MARK2: variants seen among roughly 807,000 people sequenced by gnomAD.
MARK2 encodes the protein serine/threonine-protein kinase MARK2.
MARK2 carries 16 observed loss-of-function variants against 89.8 expected under a neutral mutation model. The ratio of observed to expected loss-of-function variants is 0.18; its 90% CI spans 0.12 to 0.27. The LOEUF (loss-of-function observed/expected upper bound fraction) is 0.27. Ranked by LOEUF, MARK2 falls within the 10% of genes least tolerant of loss-of-function variation. The probability of loss-of-function intolerance (pLI) is 1.00; values close to 1 mark genes in which losing one functional copy is unlikely to be tolerated. For missense variants in MARK2, 621 were observed against 1,049.9 expected, an observed-to-expected ratio of 0.59 and a Z score of 5.65; for synonymous variants, 382 against 399.5, an observed-to-expected ratio of 0.96 and a Z score of 0.52.
At chr11:63,898,366 C>A in intron 4 of MARK2, 86 bp downstream of exon 4, 1 of 1,289,682 alleles carries the variant, frequency 7.8e-7, no homozygotes, top group Non-Finnish European at 1.1e-6. Flanking sequence ...AGGTGCACTG[C>A]CTTCTGGAGT....
Position 63,908,180 on chromosome 11 carries a change from A to AC in MARK2, c.1962-77dup, listed in dbSNP as rs778218857. ...CCACCCACTGGTGGCACCTCCCCAG[A>AC]CCCACTCTCATCTGGGTCTGTGGCG... On this transcript the variant is annotated intron_variant, in intron 17 of 18. Coordinates refer to ENST00000402010, the MANE Select transcript of MARK2 (RefSeq NM_001039469.3). 2.9e-5 allele frequency: 39 copies of AC among 1,348,414 alleles called. No individual in the cohort carries two copies. In the African/African-American group the frequency reaches 4.9e-4, roughly 17 times the overall value. 83.5% of individuals were successfully genotyped at this position (1,348,414 alleles called of 1,614,324 possible).
intron 4 of MARK2, 21 bp downstream of exon 4, chr11:63,898,301 C>A (rs769062075): frequency 4.3e-6 from 7 of 1,609,486 alleles, no homozygotes; most frequent in South Asian, 1.1e-5. Flanking sequence ...GTTGTTATTT[C>A]TTTCTTCTTC....
chr11:63,904,139 G>A lies in MARK2; in HGVS notation c.1668G>A (p.Pro556=), dbSNP rs367678089. The A allele has an allele frequency of 5.7e-5, 90 of 1,577,396 alleles. No individual in the cohort carries two copies. The East Asian group carries it at 1.0e-3, about 18-fold the overall frequency. The change falls in exon 15 of 19, where the codon CCG becomes CCA. Residue 556 remains proline (P), a synonymous_variant. Transcript: ENST00000402010. This position sits in a 1 kb window ranked among gnomAD's most constrained non-coding sequence, Gnocchi z 6.3. ...LPPTESNCEV[P]RPSTAPQRVP... is the part of the protein sequence containing the mutation. ...CCACGGAGAGTAACTGTGAGGTGCC[G>A]CGGCCCAGGCAAGTGTGCTGGGGCA... is the stretch of plus-strand genomic sequence containing the variant.
intron 1 of MARK2, among the ~76,000 whole-genome samples, chr11:63,891,772 G>T (rs1939877356): frequency 6.6e-6 from 1 of 152,242 alleles, no homozygotes. Flanking sequence ...TGCCCGTTAG[G>T]CAGATGGGTA....
chr11:63,857,606 TTACATG>T (rs1286150070), intron 1 of MARK2, among the ~76,000 whole-genome samples: 11 of 152,372 alleles, frequency 7.2e-5, no homozygotes, highest in Admixed American at 1.3e-4. Context: ...TCATTTATGT[TTACATG>T]TAATGAGTTT....
chr11:63,904,019 T>G lies in MARK2; in HGVS notation c.1548T>G (p.Ala516=). 6.2e-7 allele frequency: 1 copy of G among 1,609,246 alleles called. No homozygotes were observed. Among genetic ancestry groups the G allele is most frequent in the Non-Finnish European group, 8.5e-7 (1 of 1,179,234 alleles). ...LTMPGSRAST[A]SASAAVSAAR... is the part of the protein sequence containing the mutation. The stretch of plus-strand genomic sequence containing the variant: ...TGCCAGGGTCCCGGGCCTCCACGGC[T>G]TCTGCTTCTGCCGCAGTCTCTGCGG... The change falls in exon 15 of 19, where the codon GCT becomes GCG. Residue 516 remains alanine, a synonymous_variant. Transcript: ENST00000402010. This position sits in a 1 kb window ranked among gnomAD's most constrained non-coding sequence, Gnocchi z 6.3.
At chr11:63,905,484 T>C (rs929668407) in intron 16 of MARK2, among the ~76,000 whole-genome samples, 7 of 152,244 alleles carry the variant, frequency 4.6e-5, no homozygotes, top group Admixed American at 3.9e-4. Flanking sequence ...CTCCCACTAG[T>C]TGGTTCTGTT....
At chr11:63,895,989 C>T (rs532168805) in intron 3 of MARK2, among the ~76,000 whole-genome samples, 25 of 152,218 alleles carry the variant, frequency 1.6e-4, no homozygotes, top group Admixed American at 1.6e-3. Context: ...CTTTCTAAAT[C>T]TCTCTTCTGG....
intron 1 of MARK2, among the ~76,000 whole-genome samples, chr11:63,847,654 T>C (rs958063954): frequency 6.6e-5 from 10 of 152,350 alleles, no homozygotes; most frequent in East Asian, 1.9e-4. Context: ...CCCCAAACAC[T>C]GAATGGGTCT....
intron 1 of MARK2, among the ~76,000 whole-genome samples, chr11:63,871,854 T>C (rs1220927120): frequency 6.6e-6 from 1 of 150,484 alleles, no homozygotes; most frequent in Non-Finnish European, 1.5e-5. Context: ...TGAAGAGTAT[T>C]CACTGTGTGC....
chr11:63,904,055 C>T lies in MARK2; in HGVS notation c.1584C>T (p.Arg528=). The T allele has an allele frequency of 6.2e-7, 1 of 1,608,820 alleles. No homozygotes were observed. The highest frequency in any genetic ancestry group is 1.1e-5 in the South Asian group (1 of 91,040). ...ASAAVSAARP[R]QHQKSMSASV... is the part of the protein sequence containing the mutation. Reference sequence around the variant, plus strand: ...CCGCAGTCTCTGCGGCCCGGCCCCGCCAGCACCAGAAATCCATGTCGGCCT... The same window carrying T: ...CCGCAGTCTCTGCGGCCCGGCCCCGTCAGCACCAGAAATCCATGTCGGCCT... Residue 528 remains arginine, a synonymous_variant, in exon 15 of 19, where the codon CGC becomes CGT. Coordinates refer to ENST00000402010, the MANE Select transcript of MARK2 (RefSeq NM_001039469.3). This position sits in a 1 kb window ranked among gnomAD's most constrained non-coding sequence, Gnocchi z 6.3.
At chr11:63,873,864 C>T (rs1163815294) in intron 1 of MARK2, among the ~76,000 whole-genome samples, 1 of 152,210 alleles carries the variant, frequency 6.6e-6, no homozygotes, top group Non-Finnish European at 1.5e-5. Flanking sequence ...CCAGGCTGGT[C>T]TTGAACTCCC....
intron 1 of MARK2, among the ~76,000 whole-genome samples, chr11:63,870,172 C>T (rs539296004): frequency 1.3e-5 from 2 of 152,280 alleles, no homozygotes; most frequent in East Asian, 3.9e-4. Context: ...CTGGAGAGCA[C>T]CTCTGAAATC....
At chr11:63,849,030 G>T (rs1416319928) in intron 1 of MARK2, among the ~76,000 whole-genome samples, 2 of 151,952 alleles carry the variant, frequency 1.3e-5, no homozygotes, top group Non-Finnish European at 2.9e-5. Flanking sequence ...TAAGAGACAG[G>T]GTCTCACCCT....
At chr11:63,841,954 T>C (rs2016042046) in intron 1 of MARK2, among the ~76,000 whole-genome samples, 1 of 152,222 alleles carries the variant, frequency 6.6e-6, no homozygotes, top group Non-Finnish European at 1.5e-5. Context: ...CAGTGACCAT[T>C]TGGGAATGTA....
At chr11:63,843,817 G>C (rs943113846) in intron 1 of MARK2, among the ~76,000 whole-genome samples, 2 of 152,088 alleles carry the variant, frequency 1.3e-5, no homozygotes, top group African/African-American at 4.8e-5. Flanking sequence ...TAGAGACGGG[G>C]TTTTGCCATA....
chr11:63,910,658 T>TA lies in MARK2; in HGVS notation c.*1421_*1422insA, dbSNP rs1040831754. On this transcript the variant is annotated 3_prime_UTR_variant, in exon 19 of 19. Transcript: ENST00000402010. ...TTTTTTATTATTTTATTTTATTTTTTTTTTTTTTGATTTATGATGACTCCA... is the reference window on the plus strand; with the variant it reads ...TTTTTTATTATTTTATTTTATTTTTTATTTTTTTTGATTTATGATGACTCCA... The TA allele has an allele frequency of 2.7e-5, 4 of 149,602 alleles. No individual in the cohort carries two copies. Among genetic ancestry groups the TA allele is most frequent in the African/African-American group, 4.9e-5 (2 of 41,032 alleles). The allele number at this position is 149,602 out of a possible 1,614,324, so 9.3% of individuals were successfully genotyped here.
At chr11:63,876,865 A>T (rs1938789485) in intron 1 of MARK2, among the ~76,000 whole-genome samples, 1 of 152,098 alleles carries the variant, frequency 6.6e-6, no homozygotes, top group Non-Finnish European at 1.5e-5. Context: ...CCTCCCAGCC[A>T]CTTGTTAATG....
In MARK2 at chr11:63,908,841, G is replaced by GCCC. The variant is rs56263226; in HGVS notation, c.2007-31_2007-29dup. Reference sequence around the variant, plus strand: ...GGCTCTCCTGGGGTGGGGTGCCTCAGCCCCCCCGTGACGCCCGCCTCTGCC... The same window carrying GCCC: ...GGCTCTCCTGGGGTGGGGTGCCTCAGCCCCCCCCCCGTGACGCCCGCCTCTGCC... On this transcript the variant is annotated intron_variant, in intron 18 of 18. Coordinates refer to ENST00000402010, the MANE Select transcript of MARK2 (RefSeq NM_001039469.3). The GCCC allele has an allele frequency of 1.1e-4, 162 of 1,410,922 alleles. No individual in the cohort carries two copies. The African/African-American group carries it at 2.1e-3, about 18-fold the overall frequency. 87.4% of individuals were successfully genotyped at this position (1,410,922 alleles called of 1,614,324 possible). A position where few individuals can be genotyped will look rare whatever the true frequency, so the allele number is the denominator to read the frequency against.
Sources: gnomAD v4.1 joint callset for allele counts (sites outside exome capture counted in the v4.1 genomes callset) on GRCh38, gnomAD v4.1.1 for gene constraint, Gnocchi (gnomAD v3.1) non-coding constraint, MANE v1.5 for transcripts, NCBI Gene and HGNC (gene_info 2026-07-23, HGNC 2026-07-21) for gene names.